Variants in CACNA2D4 observed in about 807,000 individuals in gnomAD.
CACNA2D4 encodes voltage-dependent calcium channel subunit alpha-2/delta-4.
In CACNA2D4, 157 loss-of-function variants were observed where a neutral mutation model predicts 163.8. The observed-to-expected ratio is 0.96, with a 90% CI of 0.84 to 1.09. CACNA2D4 has a LOEUF of 1.09. Ranked by LOEUF, CACNA2D4 falls within the 50% of genes least tolerant of loss-of-function variation. The pLI is 0.00. For missense variants in CACNA2D4, 1,410 were observed against 1,479.9 expected, an observed-to-expected ratio of 0.95 and a Z score of 0.78; for synonymous variants, 598 against 586.9, an observed-to-expected ratio of 1.02 and a Z score of -0.27.
rs1865863182 is a variant in CACNA2D4 at position 1,875,436 on chromosome 12, A to T, written c.1720-99T>A. 3 of 791,850 alleles carry T rather than the reference A, an allele frequency of 3.8e-6. No homozygotes were observed. The highest frequency in any genetic ancestry group is 6.7e-6 in the Non-Finnish European group (3 of 450,318). 49.1% of individuals were successfully genotyped at this position (791,850 alleles called of 1,614,324 possible). ...CCTTTCAGGTATATTCATAAAAGCA[A>T]AGGATTCCTTAGAAATCAATCAATC... On this transcript the variant is annotated intron_variant, in intron 16 of 37. Coordinates refer to ENST00000382722, the MANE Select transcript of CACNA2D4 (RefSeq NM_172364.5). The surrounding 1 kb of genome is among the most constrained non-coding windows in gnomAD (Gnocchi z 4.0).
chr12:1,906,197 C>T (rs936497172), intron 6 of CACNA2D4, among the ~76,000 whole-genome samples: 1 of 152,116 alleles, frequency 6.6e-6, no homozygotes, highest in Admixed American at 6.5e-5. Flanking sequence ...AAATGTAAGA[C>T]CTAAAACTAT....
At position 1,793,517 on chromosome 12, in the gene CACNA2D4, G is replaced by A. The variant is rs1024201993; in HGVS notation, c.*138C>T. ...CATCCAGCATTCTCCGGAGCCAGGG[G>A]CCACCAGCCCAGGATTGAGAGGAGC... On this transcript the variant is annotated 3_prime_UTR_variant, in exon 38 of 38. Transcript: ENST00000382722. 2.7e-6 allele frequency: 2 copies of A among 739,516 alleles called. No homozygotes were observed. The highest frequency in any genetic ancestry group is 4.6e-4 in the Middle Eastern group (2 of 4,342). 45.8% of individuals were successfully genotyped at this position (739,516 alleles called of 1,614,324 possible).
rs183426606 is a variant in CACNA2D4, at chr12:1,882,978, C to A, written c.1374G>T (p.Thr458=). Residue 458 remains threonine (T), a synonymous_variant, in exon 13 of 38, where the codon ACG becomes ACT. Transcript: ENST00000382722. ...NNKGYYTQIS[T]LADTQENVME... Reference sequence around the variant, plus strand: ...TCACGTTCTCCTGGGTGTCCGCCAGCGTTGAGATCTGCGTGTAGTAGCCTG... The same window carrying A: ...TCACGTTCTCCTGGGTGTCCGCCAGAGTTGAGATCTGCGTGTAGTAGCCTG... 8 of 1,612,924 alleles carry A rather than the reference C, an allele frequency of 5.0e-6. No homozygotes were observed. Among genetic ancestry groups the A allele is most frequent in the Non-Finnish European group, 6.8e-6 (8 of 1,179,566 alleles).
intron 19 of CACNA2D4, among the ~76,000 whole-genome samples, chr12:1,859,383 T>C (rs1399726955): frequency 6.6e-6 from 1 of 152,142 alleles, no homozygotes; most frequent in Non-Finnish European, 1.5e-5. Flanking sequence ...GGATGAAGCC[T>C]GGGCAGTGGC....
At chr12:1,821,126 A>G (rs1864083721) in intron 26 of CACNA2D4, among the ~76,000 whole-genome samples, 1 of 152,230 alleles carries the variant, frequency 6.6e-6, no homozygotes, top group South Asian at 2.1e-4. Flanking sequence ...CGGTCCCTGC[A>G]GCATGGGAGA....
chr12:1,872,242 C>A (rs1206795483), intron 18 of CACNA2D4, among the ~76,000 whole-genome samples: 1 of 152,210 alleles, frequency 6.6e-6, no homozygotes, highest in African/African-American at 2.4e-5. Context: ...CCACAGTTCC[C>A]AGAGCCCCCT....
intron 23 of CACNA2D4, among the ~76,000 whole-genome samples, chr12:1,849,422 A>G (rs1036022977): frequency 6.6e-6 from 1 of 152,230 alleles, no homozygotes; most frequent in Non-Finnish European, 1.5e-5. Flanking sequence ...CAATGTGATT[A>G]CTGAGGACTG....
intron 26 of CACNA2D4, chr12:1,831,407 C>A: frequency 8.7e-6 from 14 of 1,614,162 alleles, no homozygotes; most frequent in Non-Finnish European, 1.2e-5. Context: ...AGAATCTGGA[C>A]CGGCTGACAT....
intron 6 of CACNA2D4, among the ~76,000 whole-genome samples, chr12:1,903,229 T>C (rs1866577674): frequency 6.6e-6 from 1 of 151,996 alleles, no homozygotes; most frequent in African/African-American, 2.4e-5. Flanking sequence ...GTGGATTACA[T>C]ACTTAAATCT....
intron 35 of CACNA2D4, among the ~76,000 whole-genome samples, chr12:1,796,619 C>A (rs960408124): frequency 6.6e-6 from 1 of 152,240 alleles, no homozygotes; most frequent in African/African-American, 2.4e-5. Flanking sequence ...TGCACAGAAC[C>A]CGGGGTGAAA....
At position 1,829,889 on chromosome 12, in the gene CACNA2D4, CA is replaced by C. The variant is rs1864542289; in HGVS notation, c.2551+10849del. Among the ~76,000 whole-genome samples the C allele has an allele frequency of 1.3e-5, 2 of 152,122 alleles. No homozygotes were observed. Among genetic ancestry groups the C allele is most frequent in the Admixed American group, 1.3e-4 (2 of 15,278 alleles). Reference sequence around the variant, plus strand: ...CTTCCCAGTTCTCTTTCACGATGAGCAGGCTTCTCTGCTACTCAGGAGGACA... The same window carrying C: ...CTTCCCAGTTCTCTTTCACGATGAGCGGCTTCTCTGCTACTCAGGAGGACA... On this transcript the variant is annotated intron_variant, in intron 26 of 37. Coordinates refer to ENST00000382722, the MANE Select transcript of CACNA2D4 (RefSeq NM_172364.5). This position sits in a 1 kb window ranked among gnomAD's most constrained non-coding sequence, Gnocchi z 4.2.
At chr12:1,800,954 G>T in intron 31 of CACNA2D4, 89 bp downstream of exon 31, 1 of 1,237,774 alleles carries the variant, frequency 8.1e-7, no homozygotes, top group Non-Finnish European at 1.2e-6. Flanking sequence ...ACCCAAGGTG[G>T]GTGAGAACAG....
chr12:1,900,403 G>A (rs1480636198), intron 6 of CACNA2D4, among the ~76,000 whole-genome samples: 8 of 152,164 alleles, frequency 5.3e-5, no homozygotes, highest in South Asian at 2.1e-4. Flanking sequence ...CCAAAGTGCT[G>A]GGATTACAGG....
At chr12:1,808,920 G>C (rs985610837) in intron 29 of CACNA2D4, among the ~76,000 whole-genome samples, 1 of 152,190 alleles carries the variant, frequency 6.6e-6, no homozygotes, top group South Asian at 2.1e-4. Context: ...AAGGGAGAAG[G>C]GGGAGGGTAC....
chr12:1,800,391 C>T lies in CACNA2D4; in HGVS notation c.2916G>A (p.Leu972=), dbSNP rs945350787. ...LTATRWLLQE[L]VLFLLEWSVW... The stretch of plus-strand genomic sequence containing the variant: ...CCGTGTCTACCCCCACTCACAGCAC[C>T]AGCTCCTGCAGCAGCCACCTGGTCG... The change falls in exon 32 of 38, where the codon CTG becomes CTA. Residue 972 remains leucine (L), a synonymous_variant. Coordinates refer to ENST00000382722, the MANE Select transcript of CACNA2D4 (RefSeq NM_172364.5). The T allele has an allele frequency of 6.2e-7, 1 of 1,613,942 alleles. No homozygotes were observed. Among genetic ancestry groups the T allele is most frequent in the Non-Finnish European group, 8.5e-7 (1 of 1,179,848 alleles).
chr12:1,907,404 C>A, intron 6 of CACNA2D4, 36 bp downstream of exon 6: 1 of 1,597,920 alleles, frequency 6.3e-7, no homozygotes, highest in South Asian at 1.1e-5. Flanking sequence ...GAGAAGAATC[C>A]CAGAAGGTCG....
intron 20 of CACNA2D4, among the ~76,000 whole-genome samples, chr12:1,857,455 G>A (rs1272565925): frequency 1.3e-5 from 2 of 152,206 alleles, no homozygotes; most frequent in Non-Finnish European, 2.9e-5. Context: ...GAGTCAGGGA[G>A]AACAGCTGGA....
chr12:1,850,994 C>T (rs1865265944), intron 23 of CACNA2D4, among the ~76,000 whole-genome samples: 1 of 152,200 alleles, frequency 6.6e-6, no homozygotes, highest in Admixed American at 6.5e-5. Context: ...GTGATCCTCC[C>T]TGAGCAGCTG....
chr12:1,795,192 G>A (rs1863076775), intron 37 of CACNA2D4, 107 bp downstream of exon 37: 1 of 910,400 alleles, frequency 1.1e-6, no homozygotes, highest in East Asian at 2.6e-5. Flanking sequence ...AGGCACAGGT[G>A]TGTTCATTGG....
Sources: gnomAD v4.1 joint callset for allele counts (sites outside exome capture counted in the v4.1 genomes callset) on GRCh38, gnomAD v4.1.1 for gene constraint, Gnocchi (gnomAD v3.1) non-coding constraint, MANE v1.5 for transcripts, NCBI Gene and HGNC (gene_info 2026-07-23, HGNC 2026-07-21) for gene names.